Variants in HECW2 observed in about 807,000 individuals in gnomAD.
HECW2 encodes the protein HECT, C2 and WW domain containing E3 ubiquitin protein ligase 2.
Under a neutral mutation model 175.2 loss-of-function variants are expected in HECW2, and 61 were observed. The observed-to-expected ratio is 0.35, with a 90% CI of 0.28 to 0.43. The LOEUF (loss-of-function observed/expected upper bound fraction) is 0.43. Ranked by LOEUF, HECW2 falls within the 20% of genes least tolerant of loss-of-function variation. The probability of loss-of-function intolerance (pLI) is 1.00; values close to 1 mark genes in which losing one functional copy is unlikely to be tolerated. For synonymous variants in HECW2, 671 were observed against 731.0 expected, an observed-to-expected ratio of 0.92 and a Z score of 1.32; for missense variants, 1,524 against 2,000.5, an observed-to-expected ratio of 0.76 and a Z score of 4.54.
intron 1 of HECW2, among the ~76,000 whole-genome samples, chr2:196,546,321 C>G (rs769113007): frequency 1.3e-5 from 2 of 152,232 alleles, no homozygotes; most frequent in Non-Finnish European, 2.9e-5. Flanking sequence ...CTTGTTTACA[C>G]GTCTCCCCTA....
chr2:196,552,051 A>G (rs1016410324), intron 1 of HECW2, among the ~76,000 whole-genome samples: 1 of 152,204 alleles, frequency 6.6e-6, no homozygotes, highest in Admixed American at 6.5e-5. Context: ...CCCAGAGCCT[A>G]TTAAGACAGC....
chr2:196,237,978 C>T (rs188946520), intron 21 of HECW2, among the ~76,000 whole-genome samples: 76 of 152,290 alleles, frequency 5.0e-4, no homozygotes, highest in African/African-American at 1.6e-3. Context: ...TTTTTAAATG[C>T]TCATTACTAG....
At chr2:196,279,009 T>C (rs1051347333) in intron 14 of HECW2, among the ~76,000 whole-genome samples, 2 of 152,202 alleles carry the variant, frequency 1.3e-5, no homozygotes, top group African/African-American at 2.4e-5. Flanking sequence ...TACTGTCATA[T>C]GTGGTTATTA....
intron 14 of HECW2, chr2:196,290,091 C>G (rs563087894): frequency 6.6e-6 from 1 of 152,184 alleles, no homozygotes; most frequent in African/African-American, 2.4e-5. Flanking sequence ...AAATCTTTCA[C>G]CCCAAACAGG....
intron 1 of HECW2, among the ~76,000 whole-genome samples, chr2:196,579,363 A>G (rs529053878): frequency 2.0e-5 from 3 of 152,256 alleles, no homozygotes; most frequent in African/African-American, 7.2e-5. Context: ...AGACAAGTAG[A>G]AGACATGTAG....
intron 1 of HECW2, among the ~76,000 whole-genome samples, chr2:196,545,389 C>T (rs889015137): frequency 3.3e-5 from 5 of 152,116 alleles, no homozygotes; most frequent in African/African-American, 1.2e-4. Flanking sequence ...TGACTGAAAA[C>T]AAAGCCCAAC....
At chr2:196,503,262 A>G (rs1232857031) in intron 1 of HECW2, among the ~76,000 whole-genome samples, 4 of 152,164 alleles carry the variant, frequency 2.6e-5, no homozygotes, top group African/African-American at 4.8e-5. Context: ...GCTTTTGGGC[A>G]TGGAAATCCT....
intron 1 of HECW2, among the ~76,000 whole-genome samples, chr2:196,568,779 G>A (rs1395268012): frequency 1.3e-5 from 2 of 152,054 alleles, no homozygotes; most frequent in African/African-American, 2.4e-5. Context: ...AGAGCACTAC[G>A]CCCACTAAAC....
At chr2:196,349,534 TGTGTGC>T (rs1693093743) in intron 2 of HECW2, among the ~76,000 whole-genome samples, 1 of 151,948 alleles carries the variant, frequency 6.6e-6, no homozygotes, top group African/African-American at 2.4e-5. Context: ...TGTGTGTGTG[TGTGTGC>T]GCGCGCACAC....
At chr2:196,336,127 G>C (rs983459968) in intron 3 of HECW2, among the ~76,000 whole-genome samples, 2 of 152,186 alleles carry the variant, frequency 1.3e-5, no homozygotes, top group Non-Finnish European at 2.9e-5. Context: ...GAAGCATGCT[G>C]GGTTTGAAGA....
At chr2:196,418,277 T>C (rs1048908193) in intron 2 of HECW2, among the ~76,000 whole-genome samples, 5 of 152,024 alleles carry the variant, frequency 3.3e-5, no homozygotes, top group East Asian at 1.9e-4. Flanking sequence ...TACAGGCGCC[T>C]GCCACCACAC....
intron 23 of HECW2, among the ~76,000 whole-genome samples, 174 bp downstream of exon 23, chr2:196,225,597 CA>C (rs1396430336): frequency 6.6e-6 from 1 of 152,180 alleles, no homozygotes; most frequent in African/African-American, 2.4e-5. Context: ...AGGAAAAACA[CA>C]GTAATCATAT....
intron 19 of HECW2, among the ~76,000 whole-genome samples, chr2:196,253,166 C>T (rs2105912594): frequency 6.6e-6 from 1 of 152,302 alleles, no homozygotes; most frequent in South Asian, 2.1e-4. Context: ...ATGTTATATA[C>T]CAAAGAACAT....
At chr2:196,220,652 A>C in intron 25 of HECW2, 143 bp downstream of exon 25, 1 of 847,804 alleles carries the variant, frequency 1.2e-6, no homozygotes. Context: ...TTGAAACATA[A>C]GGGAAAAAAT....
intron 2 of HECW2, among the ~76,000 whole-genome samples, chr2:196,360,336 A>G (rs1693542019): frequency 6.6e-6 from 1 of 152,248 alleles, no homozygotes; most frequent in Non-Finnish European, 1.5e-5. Context: ...AAAATGTAGT[A>G]CATATACACC....
rs563187315 is a variant in HECW2, at chr2:196,460,546, T to A, written c.-35-27088A>T. 2.6e-5 allele frequency among the ~76,000 whole-genome samples: 4 copies of A among 151,736 alleles called. No individual in the cohort carries two copies. The South Asian group carries it at 8.3e-4, about 32-fold the overall frequency. ...TTTCTTTTAAAGAGCAGAGAACATATAATTTCTGTCTAATTTTTTGCTTTT... is the reference window on the plus strand; with the variant it reads ...TTTCTTTTAAAGAGCAGAGAACATAAAATTTCTGTCTAATTTTTTGCTTTT... On this transcript the variant is annotated intron_variant, in intron 1 of 28. Transcript: ENST00000644978.
chr2:196,522,256 T>C (rs948235457), intron 1 of HECW2, among the ~76,000 whole-genome samples: 3 of 152,184 alleles, frequency 2.0e-5, no homozygotes, highest in Admixed American at 1.3e-4. Flanking sequence ...TTTTTTCATG[T>C]GTTTTTTGGC....
chr2:196,218,864 A>G (rs1259328161), intron 26 of HECW2, among the ~76,000 whole-genome samples: 1 of 152,220 alleles, frequency 6.6e-6, no homozygotes, highest in African/African-American at 2.4e-5. Context: ...CCAACTGGAA[A>G]ATACTTATTT....
At chr2:196,253,780 G>A (rs1356322609) in intron 19 of HECW2, 140 bp downstream of exon 19, 2 of 656,942 alleles carry the variant, frequency 3.0e-6, no homozygotes, top group Non-Finnish European at 5.1e-6. Context: ...TACGAGACAG[G>A]AAATGCACAC....
Sources: allele counts gnomAD v4.1 joint callset (sites outside exome capture counted in the v4.1 genomes callset), GRCh38; gene constraint gnomAD v4.1.1; transcripts MANE v1.5; gene names NCBI Gene and HGNC (gene_info 2026-07-23, HGNC 2026-07-21).